KIAA0586: variants seen among roughly 807,000 people sequenced by gnomAD.
KIAA0586 encodes KIAA0586.
In KIAA0586, 144 loss-of-function variants were observed where a neutral mutation model predicts 169.8. The observed-to-expected ratio is 0.85, with a 90% confidence interval of 0.74 to 0.97. The LOEUF (loss-of-function observed/expected upper bound fraction) is 0.97. Ranked by LOEUF, KIAA0586 falls within the 50% of genes least tolerant of loss-of-function variation. The pLI, the probability that KIAA0586 is intolerant of heterozygous loss-of-function variation, is 0.00. For synonymous variants in KIAA0586, 625 were observed against 612.4 expected (o/e 1.02, Z -0.30); for missense variants, 1,854 against 1,823.0 (o/e 1.02, Z -0.31).
At chr14:58,514,527 A>AG (rs2044617448) in intron 29 of KIAA0586, among the ~76,000 whole-genome samples, 1 of 152,086 alleles carries the variant, frequency 6.6e-6, no homozygotes, top group Admixed American at 6.6e-5. Flanking sequence ...AGAAAGGAGC[A>AG]GTAGCAGCTG....
intron 15 of KIAA0586, among the ~76,000 whole-genome samples, chr14:58,466,502 G>A (rs1371688998): frequency 3.9e-5 from 6 of 152,066 alleles, no homozygotes; most frequent in African/African-American, 1.4e-4. Flanking sequence ...TTGGGAAGCC[G>A]AGATGGGAGG....
At chr14:58,542,644 TTTTC>T (rs1374758995) in intron 30 of KIAA0586, among the ~76,000 whole-genome samples, 5 of 152,162 alleles carry the variant, frequency 3.3e-5, no homozygotes, top group African/African-American at 1.2e-4. Context: ...CTCCCTCTTT[TTTTC>T]TTAATTGTAT....
downstream of KIAA0586, among the ~76,000 whole-genome samples, chr14:58,552,060 C>G (rs2047215358): frequency 6.6e-6 from 1 of 152,158 alleles, no homozygotes; most frequent in Non-Finnish European, 1.5e-5. Flanking sequence ...TGCTTTTGGT[C>G]ATATGCCTCT....
chr14:58,505,300 T>G (rs2043860736), intron 27 of KIAA0586, among the ~76,000 whole-genome samples: 1 of 152,230 alleles, frequency 6.6e-6, no homozygotes, highest in African/African-American at 2.4e-5. Flanking sequence ...ATTTATTCAT[T>G]TTAATGATTA....
chr14:58,454,065 A>C (rs1225512967), intron 9 of KIAA0586, among the ~76,000 whole-genome samples: 14 of 152,118 alleles, frequency 9.2e-5, no homozygotes, highest in Admixed American at 9.2e-4. Flanking sequence ...ATTTGTGTCT[A>C]CCATGTTGCT....
chr14:58,459,238 T>C (rs1400641400), intron 12 of KIAA0586, among the ~76,000 whole-genome samples: 6 of 152,100 alleles, frequency 3.9e-5, no homozygotes, highest in African/African-American at 1.2e-4. Context: ...CAGAAATATA[T>C]TTTAAAACTT....
chr14:58,470,741 A>G lies in KIAA0586; in HGVS notation c.2553+18A>G, dbSNP rs2041150428. 1.6e-6 allele frequency: 2 copies of G among 1,289,120 alleles called. No individual in the cohort carries two copies. The highest frequency in any genetic ancestry group is 4.6e-5 in the East Asian group (2 of 43,026). The allele number at this position is 1,289,120 out of a possible 1,614,324, so 79.9% of individuals were successfully genotyped here. ...GGATAAAGGTATATTTCAGAATTTTATCATATTATTTTGAGTAATGTCTGA... is the reference window on the plus strand; with the variant it reads ...GGATAAAGGTATATTTCAGAATTTTGTCATATTATTTTGAGTAATGTCTGA... On this transcript the variant is annotated intron_variant, in intron 17 of 30. Coordinates refer to ENST00000652326, the MANE Select transcript of KIAA0586 (RefSeq NM_001329943.3).
rs528943171 is a variant in KIAA0586, at chr14:58,538,231, T to C, written c.4430-1840T>C. ...GGTCTATTTGTGGATATCAAATATA[T>C]GTAACTTGTATTTGTCCACACTCTT... On this transcript the variant is annotated intron_variant, in intron 29 of 30. Transcript: ENST00000652326. Among the ~76,000 whole-genome samples, 4 of 152,290 alleles carry C rather than the reference T, an allele frequency of 2.6e-5. No homozygotes were observed. The East Asian group carries it at 5.8e-4, about 22-fold the overall frequency.
intron 14 of KIAA0586, among the ~76,000 whole-genome samples, chr14:58,464,547 A>G (rs1331370082): frequency 6.6e-6 from 1 of 152,154 alleles, no homozygotes; most frequent in Non-Finnish European, 1.5e-5. Flanking sequence ...TGTGTGTTCC[A>G]TAGACATTTA....
intron 14 of KIAA0586, among the ~76,000 whole-genome samples, 183 bp from the exon 15 acceptor site, chr14:58,465,652 T>C (rs930553545): frequency 3.9e-5 from 6 of 152,186 alleles, no homozygotes; most frequent in Non-Finnish European, 5.9e-5. Flanking sequence ...GCCAGACAAA[T>C]ATTTACTGTC....
At chr14:58,561,833 G>T in the KIAA0586 span, among the ~76,000 whole-genome samples, 12 of 151,878 alleles carry the variant, frequency 7.9e-5, no homozygotes, top group Non-Finnish European at 1.6e-4. Flanking sequence ...CTCTTAGAAT[G>T]CTAAATAGCC....
the KIAA0586 span, among the ~76,000 whole-genome samples, chr14:58,556,937 G>T: frequency 2.6e-5 from 4 of 152,114 alleles, no homozygotes; most frequent in Non-Finnish European, 4.4e-5. Context: ...TAGAGACGGG[G>T]TTTCTCCCTG....
In KIAA0586 at chr14:58,547,929, C is replaced by G. The variant is rs373503925; in HGVS notation, c.4644C>G (p.Phe1548Leu). 6 of 1,613,388 alleles carry G rather than the reference C, an allele frequency of 3.7e-6. No individual in the cohort carries two copies. In the African/African-American group the frequency reaches 8.0e-5, roughly 22 times the overall value. The part of the protein sequence containing the change: ...EDMESSGADT[F>L] ...TGGAGTCTTCGGGGGCAGATACCTTCTGAACGGGAAGAGACAGCCAGCACA... is the reference window on the plus strand; with the variant it reads ...TGGAGTCTTCGGGGGCAGATACCTTGTGAACGGGAAGAGACAGCCAGCACA... The change falls in exon 31 of 31, where the codon TTC (phenylalanine) becomes TTG (leucine). Residue 1548 changes from phenylalanine to leucine, a missense_variant. Coordinates refer to ENST00000652326, the MANE Select transcript of KIAA0586 (RefSeq NM_001329943.3).
rs377521085 is a variant in KIAA0586, at chr14:58,460,935, A to C, written c.1885-51A>C. The C allele has an allele frequency of 2.4e-5, 31 of 1,317,860 alleles. No individual in the cohort carries two copies. In the African/African-American group the frequency reaches 4.4e-4, roughly 19 times the overall value. 81.6% of individuals were successfully genotyped at this position (1,317,860 alleles called of 1,614,324 possible). A position where few individuals can be genotyped will look rare whatever the true frequency, so the allele number is the denominator to read the frequency against. ...AAAGGAGGCTTTAGAAAAATGAGATAAGTGTTTGATGACTGTTTTCATGGT... is the reference window on the plus strand; with the variant it reads ...AAAGGAGGCTTTAGAAAAATGAGATCAGTGTTTGATGACTGTTTTCATGGT... On this transcript the variant is annotated intron_variant, in intron 13 of 30. Coordinates refer to ENST00000652326, the MANE Select transcript of KIAA0586 (RefSeq NM_001329943.3).
At position 58,527,738 on chromosome 14, in the gene KIAA0586, G is replaced by C. The variant is rs145061561; in HGVS notation, c.4430-12333G>C. ...ACATGGCAAGGAAAAACTTGCACCA[G>C]CCACTGCAAAAACATAGCAAATTGT... On this transcript the variant is annotated intron_variant, in intron 29 of 30. Coordinates refer to ENST00000652326, the MANE Select transcript of KIAA0586 (RefSeq NM_001329943.3). Among the ~76,000 whole-genome samples the C allele has an allele frequency of 4.6e-4, 70 of 152,282 alleles. No homozygotes were observed. In the East Asian group the frequency reaches 0.011, roughly 23 times the overall value.
At chr14:58,437,238 T>C (rs1388639812) in intron 4 of KIAA0586, among the ~76,000 whole-genome samples, 1 of 152,076 alleles carries the variant, frequency 6.6e-6, no homozygotes, top group Non-Finnish European at 1.5e-5. Flanking sequence ...TAATTAGATA[T>C]GAGGGTAAGG....
chr14:58,530,390 C>G (rs2045880450), intron 29 of KIAA0586, among the ~76,000 whole-genome samples: 1 of 152,156 alleles, frequency 6.6e-6, no homozygotes, highest in African/African-American at 2.4e-5. Flanking sequence ...CCAAGACAGT[C>G]CTAAGCAAAA....
Position 58,461,018 on chromosome 14 carries a change from T to G in KIAA0586, c.1917T>G (p.Asp639Glu), listed in dbSNP as rs376649351. The G allele has an allele frequency of 7.4e-5, 119 of 1,608,494 alleles. No individual in the cohort carries two copies. The highest frequency in any genetic ancestry group is 9.6e-5 in the Non-Finnish European group (113 of 1,178,216). ...TGAAAGCAACCACAGTAATACAAGA[T>G]GAAGATTATATGTTACAAGTCTATG... The part of the protein sequence containing the change: ...GLLKATTVIQ[D>E]EDYMLQVYGK... Residue 639 changes from aspartate to glutamate, a missense_variant, in exon 14 of 31, where the codon GAT (aspartate) becomes GAG (glutamate). Coordinates refer to ENST00000652326, the MANE Select transcript of KIAA0586 (RefSeq NM_001329943.3).
intron 11 of KIAA0586, 74 bp downstream of exon 11, chr14:58,458,053 A>G (rs1417813240): frequency 2.1e-6 from 2 of 952,778 alleles, no homozygotes; most frequent in African/African-American, 3.3e-5. Context: ...TTTTCTAAGC[A>G]CTGTATTTTC....
Sources: allele counts gnomAD v4.1 joint callset (sites outside exome capture counted in the v4.1 genomes callset), GRCh38; gene constraint gnomAD v4.1.1; transcripts MANE v1.5; gene names NCBI Gene and HGNC (gene_info 2026-07-23, HGNC 2026-07-21).